Variants in TRPC1 observed in about 807,000 individuals in gnomAD.
TRPC1 encodes the protein short transient receptor potential channel 1.
TRPC1 carries 42 observed loss-of-function variants against 88.2 expected under a neutral mutation model. That is an observed-to-expected ratio of 0.48 (90% confidence interval 0.37 to 0.62). The LOEUF is 0.62. Ranked by LOEUF, TRPC1 falls within the 20% of genes least tolerant of loss-of-function variation. TRPC1 has a pLI of 0.00. For synonymous variants in TRPC1, 288 were observed against 331.8 expected, an observed-to-expected ratio of 0.87 and a Z score of 1.43; for missense variants, 699 against 957.3, an observed-to-expected ratio of 0.73 and a Z score of 3.56.
chr3:142,792,851 TG>T lies in TRPC1; in HGVS notation c.1468del (p.Asp490MetfsTer19). 1 of 1,599,316 alleles carries T rather than the reference TG, an allele frequency of 6.3e-7. No homozygotes were observed. The highest frequency in any genetic ancestry group is 8.5e-7 in the Non-Finnish European group (1 of 1,172,532). ...KFHDFADRKD[W>X]DAFHPTLVAE... ...TCATGATTTTGCTGATCGGAAGGAT[TG>T]GGATGCATTCCATCCTACACTGGTG... On this transcript the variant is annotated frameshift_variant, in exon 9 of 13. Coordinates refer to ENST00000476941, the MANE Select transcript of TRPC1 (RefSeq NM_001251845.2). LOFTEE classifies it high-confidence loss of function. This position sits in a 1 kb window ranked among gnomAD's most constrained non-coding sequence, Gnocchi z 4.0.
At position 142,738,573 on chromosome 3, in the gene TRPC1, G is replaced by A. The variant is rs2108025573; in HGVS notation, c.327+2040G>A. On this transcript the variant is annotated intron_variant, in intron 2 of 12. Transcript: ENST00000476941. ...TTTTGTCACCATAAGGGGACATTTGGCAATGTCTGAAGATACTTTGGTTTC... is the reference window on the plus strand; with the variant it reads ...TTTTGTCACCATAAGGGGACATTTGACAATGTCTGAAGATACTTTGGTTTC... Among the ~76,000 whole-genome samples, 3 of 152,166 alleles carry A rather than the reference G, an allele frequency of 2.0e-5. No individual in the cohort carries two copies. In the South Asian group the frequency reaches 6.2e-4, roughly 32 times the overall value.
chr3:142,786,936 C>T (rs964387856), intron 7 of TRPC1, among the ~76,000 whole-genome samples: 5 of 152,026 alleles, frequency 3.3e-5, no homozygotes, highest in African/African-American at 7.2e-5. Flanking sequence ...AAAAACTCAC[C>T]GAACTAAAAT....
At chr3:142,747,192 G>T (rs747983057) in intron 3 of TRPC1, among the ~76,000 whole-genome samples, 21 of 152,168 alleles carry the variant, frequency 1.4e-4, no homozygotes, top group Non-Finnish European at 2.9e-4. Flanking sequence ...TCCTTAAAAG[G>T]GGGGTGTAGT....
At position 142,804,702 on chromosome 3, in the gene TRPC1, G is replaced by GT. The variant is rs540164489; in HGVS notation, c.2154+73dup. On this transcript the variant is annotated intron_variant, in intron 12 of 12. Transcript: ENST00000476941. ...CCTAATCTCAGATATTTCTTAAAGC[G>GT]TAAGTATGCAGGTTCCCTAAGGGCT... is the stretch of plus-strand genomic sequence containing the variant. 3.4e-4 allele frequency: 492 copies of GT among 1,440,210 alleles called. No homozygotes were observed. The African/African-American group carries it at 6.1e-3, about 18-fold the overall frequency. 89.2% of individuals were successfully genotyped at this position (1,440,210 alleles called of 1,614,324 possible). A position where few individuals can be genotyped will look rare whatever the true frequency, so the allele number is the denominator to read the frequency against.
At position 142,743,523 on chromosome 3, in the gene TRPC1, A is replaced by G; in HGVS notation, c.366A>G (p.Val122=). 6.5e-7 allele frequency: 1 copy of G among 1,526,960 alleles called. No homozygotes were observed. 94.6% of individuals were successfully genotyped at this position (1,526,960 alleles called of 1,614,324 possible). Residue 122 remains valine, a synonymous_variant, in exon 3 of 13, where the codon GTA becomes GTG. Coordinates refer to ENST00000476941, the MANE Select transcript of TRPC1 (RefSeq NM_001251845.2). ...DALLVAIDSE[V]VGAVDILLNH... The stretch of plus-strand genomic sequence containing the variant: ...TTTTGGTGGCAATCGACTCTGAAGT[A>G]GTGGGAGCTGTTGATATACTACTTA...
rs556082441 is a variant in TRPC1 at position 142,763,880 on chromosome 3, C to G, written c.633-13752C>G. Among the ~76,000 whole-genome samples the G allele has an allele frequency of 7.6e-4, 113 of 148,056 alleles. 2 individuals carry two copies. In the South Asian group the frequency reaches 0.024, roughly 31 times the overall value. The stretch of plus-strand genomic sequence containing the variant: ...CATACTATCATTACCATGATTCTTG[C>G]AAAAAACATCTTATAAATATAACAA... On this transcript the variant is annotated intron_variant, in intron 4 of 12. Transcript: ENST00000476941.
chr3:142,770,312 G>A (rs2108093859), intron 4 of TRPC1, among the ~76,000 whole-genome samples: 1 of 152,018 alleles, frequency 6.6e-6, no homozygotes, highest in East Asian at 1.9e-4. Context: ...GGCCAGGCTG[G>A]TCTTGAACTC....
intron 4 of TRPC1, among the ~76,000 whole-genome samples, chr3:142,751,649 C>G (rs902238061): frequency 1.3e-5 from 2 of 152,150 alleles, no homozygotes; most frequent in African/African-American, 4.8e-5. Flanking sequence ...AGAATATCAT[C>G]TGGAAGTCCC....
At chr3:142,764,079 CA>C (rs59004681) in intron 4 of TRPC1, among the ~76,000 whole-genome samples, 44,811 of 143,996 alleles carry the variant, frequency 0.31, 8,762 homozygotes, top group African/African-American at 0.57. Context: ...GAAACAAAGG[CA>C]AAAAAAAATT....
intron 2 of TRPC1, among the ~76,000 whole-genome samples, chr3:142,740,824 TAAGTC>T (rs1415682815): frequency 9.9e-5 from 15 of 152,148 alleles, no homozygotes; most frequent in African/African-American, 9.7e-5. Context: ...AAGATGGAAT[TAAGTC>T]AAGTTAGCAA....
At chr3:142,737,028 C>A (rs1156518752) in intron 2 of TRPC1, among the ~76,000 whole-genome samples, 1 of 151,894 alleles carries the variant, frequency 6.6e-6, no homozygotes. Flanking sequence ...TTGTTTTTAT[C>A]TAAAGATGAA....
chr3:142,805,267 G>A (rs994468552), intron 12 of TRPC1, among the ~76,000 whole-genome samples: 1 of 151,344 alleles, frequency 6.6e-6, no homozygotes, highest in East Asian at 1.9e-4. Flanking sequence ...TTTAAAACAT[G>A]GGAAATATTC....
chr3:142,791,085 G>T lies in TRPC1; in HGVS notation c.1364G>T (p.Arg455Leu). The stretch of plus-strand genomic sequence containing the variant: ...TTGGAAGACTTTTTAGAAGAATCTC[G>T]TAATCAACTCAGTTTTGTCATGAAT... ...EGLEDFLEES[R>L]NQLSFVMNSL... Residue 455 changes from arginine (R) to leucine (L), a missense_variant, in exon 8 of 13, where the codon CGT (arginine) becomes CTT (leucine). Coordinates refer to ENST00000476941, the MANE Select transcript of TRPC1 (RefSeq NM_001251845.2). The T allele has an allele frequency of 6.2e-7, 1 of 1,610,390 alleles. No homozygotes were observed. Among genetic ancestry groups the T allele is most frequent in the South Asian group, 1.1e-5 (1 of 90,364 alleles).
intron 1 of TRPC1, among the ~76,000 whole-genome samples, chr3:142,731,518 G>T (rs1422917818): frequency 6.6e-6 from 1 of 151,120 alleles, no homozygotes; most frequent in Admixed American, 6.6e-5. Flanking sequence ...CCAAGTAGCT[G>T]GGACTACAGG....
At position 142,724,454 on chromosome 3, in the gene TRPC1, G is replaced by T; in HGVS notation, c.-106G>T. The T allele has an allele frequency of 3.4e-6, 4 of 1,165,904 alleles. No individual in the cohort carries two copies. Among genetic ancestry groups the T allele is most frequent in the South Asian group, 1.7e-5 (1 of 60,432 alleles). 72.2% of individuals were successfully genotyped at this position (1,165,904 alleles called of 1,614,324 possible). A position where few individuals can be genotyped will look rare whatever the true frequency, so the allele number is the denominator to read the frequency against. Reference sequence around the variant, plus strand: ...CTCGAGCCGAGGCAGCAGTGGGAACGACTCATCCTTTTTCCAGCCCTGGGG... The same window carrying T: ...CTCGAGCCGAGGCAGCAGTGGGAACTACTCATCCTTTTTCCAGCCCTGGGG... On this transcript the variant is annotated 5_prime_UTR_variant, in exon 1 of 13. Coordinates refer to ENST00000476941, the MANE Select transcript of TRPC1 (RefSeq NM_001251845.2). This position sits in a 1 kb window ranked among gnomAD's most constrained non-coding sequence, Gnocchi z 5.6.
At chr3:142,783,085 T>A (rs1936015184) in intron 6 of TRPC1, among the ~76,000 whole-genome samples, 1 of 152,234 alleles carries the variant, frequency 6.6e-6, no homozygotes, top group South Asian at 2.1e-4. Context: ...CACCTCTTGA[T>A]GATGGGAAGA....
intron 4 of TRPC1, among the ~76,000 whole-genome samples, chr3:142,764,998 T>C (rs1028304643): frequency 1.3e-5 from 2 of 152,092 alleles, no homozygotes; most frequent in African/African-American, 4.8e-5. Flanking sequence ...ACAGCTGATC[T>C]TCAAGCAGAA....
chr3:142,800,743 C>T lies in TRPC1; in HGVS notation c.1582-1426C>T, dbSNP rs578226163. Among the ~76,000 whole-genome samples, 6 of 151,772 alleles carry T rather than the reference C, an allele frequency of 4.0e-5. No individual in the cohort carries two copies. The South Asian group carries it at 1.0e-3, about 26-fold the overall frequency. The stretch of plus-strand genomic sequence containing the variant: ...ACCATTTTGGACAACATAGTGAAAC[C>T]CGATCTCTACTAAAAATACAAAAAA... On this transcript the variant is annotated intron_variant, in intron 9 of 12. Coordinates refer to ENST00000476941, the MANE Select transcript of TRPC1 (RefSeq NM_001251845.2).
At chr3:142,747,420 C>G (rs1348827851) in intron 3 of TRPC1, among the ~76,000 whole-genome samples, 1 of 152,030 alleles carries the variant, frequency 6.6e-6, no homozygotes, top group Non-Finnish European at 1.5e-5. Context: ...TCTTTAATTA[C>G]TAATGGTATT....
Sources: gnomAD v4.1 joint callset for allele counts (sites outside exome capture counted in the v4.1 genomes callset) on GRCh38, gnomAD v4.1.1 for gene constraint, Gnocchi (gnomAD v3.1) non-coding constraint, MANE v1.5 for transcripts, NCBI Gene and HGNC (gene_info 2026-07-23, HGNC 2026-07-21) for gene names.